PPT2: variants seen among roughly 807,000 people sequenced by gnomAD.
The protein encoded by PPT2 is lysosomal thioesterase PPT2.
In PPT2, 20 loss-of-function variants were observed where a neutral mutation model predicts 37.3. The observed-to-expected ratio is 0.54, with a 90% CI of 0.38 to 0.78. The LOEUF is 0.78. Ranked by LOEUF, PPT2 falls within the 30% of genes least tolerant of loss-of-function variation. The pLI, the probability that PPT2 is intolerant of heterozygous loss-of-function variation, is 0.00. For synonymous variants in PPT2, 135 were observed against 159.1 expected (o/e 0.85, Z 1.14); for missense variants, 270 against 389.8 (o/e 0.69, Z 2.59).
chr6:32,157,793 G>T, intron 6 of PPT2, 47 bp from the exon 7 acceptor site: 1 of 1,583,592 alleles, frequency 6.3e-7, no homozygotes, highest in Non-Finnish European at 8.7e-7. Context: ...CTCCAACCTG[G>T]CCTGACCCCT....
At position 32,155,276 on chromosome 6, in the gene PPT2, C is replaced by T. The variant is rs1561812666; in HGVS notation, c.337+93C>T. ...TCCTAGCGTCCCTTTTTCTGAACCA[C>T]ATTGCTCCAGGCACAACCCTGGTAC... On this transcript the variant is annotated intron_variant, in intron 3 of 8. Coordinates refer to ENST00000324816, the MANE Select transcript of PPT2 (RefSeq NM_005155.7). The surrounding 1 kb of genome is among the most constrained non-coding windows in gnomAD (Gnocchi z 4.3). 6.9e-7 allele frequency: 1 copy of T among 1,451,200 alleles called. No homozygotes were observed. 89.9% of individuals were successfully genotyped at this position (1,451,200 alleles called of 1,614,324 possible). A position where few individuals can be genotyped will look rare whatever the true frequency, so the allele number is the denominator to read the frequency against.
At position 32,163,084 on chromosome 6, in the gene PPT2, G is replaced by A; in HGVS notation, c.*134G>A. 6.2e-6 allele frequency: 7 copies of A among 1,128,648 alleles called. No individual in the cohort carries two copies. Among genetic ancestry groups the A allele is most frequent in the African/African-American group, 1.6e-5 (1 of 63,946 alleles). 69.9% of individuals were successfully genotyped at this position (1,128,648 alleles called of 1,614,324 possible). On this transcript the variant is annotated 3_prime_UTR_variant, in exon 9 of 9. Transcript: ENST00000324816. ...ATTATCCCCCATTTTTAGTAGAGAC[G>A]GGGTTTTAGTAGAGACTTGGCCTCC...
chr6:32,156,434 G>A lies in PPT2; in HGVS notation c.541+456G>A, dbSNP rs1187931637. Reference sequence around the variant, plus strand: ...AATGTTTTAAGTGTGTCACCTTATTGCCTTAGAAGGTTTAGTCTGATGTGG... The same window carrying A: ...AATGTTTTAAGTGTGTCACCTTATTACCTTAGAAGGTTTAGTCTGATGTGG... On this transcript the variant is annotated intron_variant, in intron 5 of 8. Transcript: ENST00000324816. This position sits in a 1 kb window ranked among gnomAD's most constrained non-coding sequence, Gnocchi z 4.9. Among the ~76,000 whole-genome samples, 1 of 152,128 alleles carries A rather than the reference G, an allele frequency of 6.6e-6. No homozygotes were observed. Among genetic ancestry groups the A allele is most frequent in the Non-Finnish European group, 1.5e-5 (1 of 68,026 alleles).
At position 32,162,057 on chromosome 6, in the gene PPT2, CG is replaced by C. The variant is rs1407312020; in HGVS notation, c.711-510del. On this transcript the variant is annotated intron_variant, in intron 7 of 8. Coordinates refer to ENST00000324816, the MANE Select transcript of PPT2 (RefSeq NM_005155.7). This position sits in a 1 kb window ranked among gnomAD's most constrained non-coding sequence, Gnocchi z 5.5. The stretch of plus-strand genomic sequence containing the variant: ...GATGGGGTTTCTACAGAAGTGAGGT[CG>C]TATCTTCAGTGTATCACCTCATGAA... Among the ~76,000 whole-genome samples the C allele has an allele frequency of 1.3e-5, 2 of 151,950 alleles. No homozygotes were observed. The highest frequency in any genetic ancestry group is 4.8e-5 in the African/African-American group (2 of 41,362).
At chr6:32,160,436 C>T (rs1044810639) in intron 7 of PPT2, among the ~76,000 whole-genome samples, 2 of 151,104 alleles carry the variant, frequency 1.3e-5, no homozygotes, top group Non-Finnish European at 3.0e-5. Flanking sequence ...TTTGGGAAGC[C>T]GAGGCGGGTG....
At position 32,155,677 on chromosome 6, in the gene PPT2, TC is replaced by T. The variant is rs767733994; in HGVS notation, c.338-10del. On this transcript the variant is annotated splice_polypyrimidine_tract_variant and intron_variant, in intron 3 of 8. Transcript: ENST00000324816. The surrounding 1 kb of genome is among the most constrained non-coding windows in gnomAD (Gnocchi z 4.3). ...CTTAAGTGCCTGCCCAATGTGGTGT[TC>T]TGCTTACAGGGGGCCTTGTGTGCCG... The T allele has an allele frequency of 1.6e-5, 26 of 1,613,300 alleles. No homozygotes were observed. Among genetic ancestry groups the T allele is most frequent in the Non-Finnish European group, 2.2e-5 (26 of 1,179,528 alleles).
Position 32,154,319 on chromosome 6 carries a change from C to A in PPT2, c.-94C>A. 1 of 1,390,046 alleles carries A rather than the reference C, an allele frequency of 7.2e-7. No homozygotes were observed. Among genetic ancestry groups the A allele is most frequent in the Non-Finnish European group, 9.3e-7 (1 of 1,076,624 alleles). The allele number at this position is 1,390,046 out of a possible 1,614,324, so 86.1% of individuals were successfully genotyped here. A position where few individuals can be genotyped will look rare whatever the true frequency, so the allele number is the denominator to read the frequency against. ...TTAAAGAACTCCGCGTTGTTCATGG[C>A]TGAGGCGATGCATTAGGAAGATCCT... On this transcript the variant is annotated 5_prime_UTR_variant, in exon 1 of 9. It adds an upstream start codon to the 5' untranslated region. Transcript: ENST00000324816. This position sits in a 1 kb window ranked among gnomAD's most constrained non-coding sequence, Gnocchi z 7.3.
At chr6:32,157,974 C>T in intron 7 of PPT2, 50 bp downstream of exon 7, 1 of 1,476,550 alleles carries the variant, frequency 6.8e-7, no homozygotes, top group Non-Finnish European at 9.4e-7. Flanking sequence ...ATCCCCCAAC[C>T]CCAGTTGGTC....
chr6:32,158,840 G>A (rs551680121), intron 7 of PPT2, among the ~76,000 whole-genome samples: 18 of 152,262 alleles, frequency 1.2e-4, no homozygotes, highest in Admixed American at 3.9e-4. Context: ...CCTGAAGCAC[G>A]TGTGAGCAAT....
chr6:32,155,618 G>GTGTT lies in PPT2; in HGVS notation c.338-70_338-69insTGTT, dbSNP rs9281660. 1 of 939,426 alleles carries GTGTT rather than the reference G, an allele frequency of 1.1e-6. No homozygotes were observed. The highest frequency in any genetic ancestry group is 1.7e-6 in the Non-Finnish European group (1 of 586,626). The allele number at this position is 939,426 out of a possible 1,614,324, so 58.2% of individuals were successfully genotyped here. ...TGTGTGTGTGTGTGTGTGTGTGTGT[G>GTGTT]GTGGGGGTGGGGGGTGCTGCTGGCT... is the stretch of plus-strand genomic sequence containing the variant. On this transcript the variant is annotated intron_variant, in intron 3 of 8. Coordinates refer to ENST00000324816, the MANE Select transcript of PPT2 (RefSeq NM_005155.7). The surrounding 1 kb of genome is among the most constrained non-coding windows in gnomAD (Gnocchi z 4.3).
chr6:32,157,261 C>T (rs1783858497), intron 5 of PPT2: 1 of 282,046 alleles, frequency 3.5e-6, no homozygotes, highest in Non-Finnish European at 6.8e-6. Flanking sequence ...CACTGTGTCT[C>T]CCAGGATGGA....
intron 7 of PPT2, among the ~76,000 whole-genome samples, chr6:32,161,286 C>G (rs1383957447): frequency 6.6e-6 from 1 of 151,936 alleles, no homozygotes; most frequent in African/African-American, 2.4e-5. Flanking sequence ...TCTTTAGTAT[C>G]TTTTTGTTTG....
chr6:32,161,656 C>A (rs1473044436), intron 7 of PPT2, among the ~76,000 whole-genome samples: 5 of 150,642 alleles, frequency 3.3e-5, no homozygotes, highest in African/African-American at 1.2e-4. Context: ...GGCGCCATCC[C>A]GGCTCACTGC....
rs1355927739 is a variant in PPT2 at position 32,155,709 on chromosome 6, T to G, written c.359T>G (p.Leu120Arg). 6.2e-7 allele frequency: 1 copy of G among 1,613,966 alleles called. No individual in the cohort carries two copies. The highest frequency in any genetic ancestry group is 8.5e-7 in the Non-Finnish European group (1 of 1,180,014). Residue 120 changes from leucine to arginine, a missense_variant, in exon 4 of 9, where the codon CTG becomes CGG. Leu to Arg is a moderately radical substitution (Grantham distance 102). Coordinates refer to ENST00000324816, the MANE Select transcript of PPT2 (RefSeq NM_005155.7). This position sits in a 1 kb window ranked among gnomAD's most constrained non-coding sequence, Gnocchi z 4.3. The stretch of plus-strand genomic sequence containing the variant: ...ACAGGGGGCCTTGTGTGCCGGGCTC[T>G]GCTTTCTGTCATGGATGATCACAAC... ...YSQGGLVCRALLSVMDDHNVD... is the reference protein window; with the variant it reads ...YSQGGLVCRARLSVMDDHNVD...
chr6:32,153,537 C>A, upstream of PPT2: 1 of 1,469,464 alleles, frequency 6.8e-7, no homozygotes, highest in Non-Finnish European at 9.3e-7. This position sits in a 1 kb window ranked among gnomAD's most constrained non-coding sequence, Gnocchi z 4.4. Flanking sequence ...TAGAGTAGGG[C>A]AGGAGAAACT....
Position 32,162,540 on chromosome 6 carries a change from G to A in PPT2, c.711-28G>A. On this transcript the variant is annotated intron_variant, in intron 7 of 8. Transcript: ENST00000324816. This position sits in a 1 kb window ranked among gnomAD's most constrained non-coding sequence, Gnocchi z 5.5. ...CGGCCAGATTTTCTCCAGCTCTTCT[G>A]ATAACCTCCCCCCAAATCTCTTTGT... is the stretch of plus-strand genomic sequence containing the variant. 1 of 1,591,152 alleles carries A rather than the reference G, an allele frequency of 6.3e-7. No individual in the cohort carries two copies.
At chr6:32,154,012 A>C, upstream of PPT2, 1 of 1,224,828 alleles carries the variant, frequency 8.2e-7, no homozygotes, top group Non-Finnish European at 1.0e-6. This position sits in a 1 kb window ranked among gnomAD's most constrained non-coding sequence, Gnocchi z 7.3. Context: ...CTAGGGCGCA[A>C]TGGAATATTC....
In PPT2 at chr6:32,154,175, C is replaced by T; in HGVS notation, c.-238C>T. 1 of 1,107,828 alleles carries T rather than the reference C, an allele frequency of 9.0e-7. No individual in the cohort carries two copies. The highest frequency in any genetic ancestry group is 1.1e-6 in the Non-Finnish European group (1 of 907,210). 68.6% of individuals were successfully genotyped at this position (1,107,828 alleles called of 1,614,324 possible). A position where few individuals can be genotyped will look rare whatever the true frequency, so the allele number is the denominator to read the frequency against. On this transcript the variant is annotated 5_prime_UTR_variant, in exon 1 of 9. Transcript: ENST00000324816. The surrounding 1 kb of genome is among the most constrained non-coding windows in gnomAD (Gnocchi z 7.3). ...CTGCGCTCTCTTTCCTCACCCTTCC[C>T]CCCGCCACCGTGGGTTCCAGACTTG...
rs1561815188 is a variant in PPT2, at chr6:32,156,069, A to T, written c.541+91A>T. ...CAATAGCAGTGATGACAATAAAGAT[A>T]ACTTACATTTATTGAGTTATTTGAA... On this transcript the variant is annotated intron_variant, in intron 5 of 8. Coordinates refer to ENST00000324816, the MANE Select transcript of PPT2 (RefSeq NM_005155.7). The surrounding 1 kb of genome is among the most constrained non-coding windows in gnomAD (Gnocchi z 4.9). 1 of 1,036,684 alleles carries T rather than the reference A, an allele frequency of 9.6e-7. No homozygotes were observed. The highest frequency in any genetic ancestry group is 1.4e-5 in the South Asian group (1 of 73,798). 64.2% of individuals were successfully genotyped at this position (1,036,684 alleles called of 1,614,324 possible). A position where few individuals can be genotyped will look rare whatever the true frequency, so the allele number is the denominator to read the frequency against.
Sources: allele counts gnomAD v4.1 joint callset (sites outside exome capture counted in the v4.1 genomes callset), GRCh38; gene constraint gnomAD v4.1.1; non-coding constraint Gnocchi (gnomAD v3.1); transcripts MANE v1.5; gene names NCBI Gene and HGNC (gene_info 2026-07-23, HGNC 2026-07-21).